RBFOX1: variants seen among roughly 807,000 people sequenced by gnomAD.
RBFOX1 encodes RNA binding protein fox-1 homolog 1.
Under a neutral mutation model 57.7 loss-of-function variants are expected in RBFOX1, and 8 were observed. The ratio of observed to expected loss-of-function variants is 0.14; its 90% CI spans 0.08 to 0.25. RBFOX1 has a LOEUF of 0.25. Ranked by LOEUF, RBFOX1 falls within the 10% of genes least tolerant of loss-of-function variation. The pLI is 1.00. For synonymous variants in RBFOX1, 326 were observed against 222.4 expected (o/e 1.47, Z -4.15); for missense variants, 611 against 548.5 (o/e 1.11, Z -1.14).
intron 3 of RBFOX1, among the ~76,000 whole-genome samples, chr16:6,922,116 C>G (rs1346479717): frequency 6.6e-6 from 1 of 152,160 alleles, no homozygotes; most frequent in Non-Finnish European, 1.5e-5. Flanking sequence ...TTCACACAGG[C>G]TGTTCCCTGT....
intron 2 of RBFOX1, among the ~76,000 whole-genome samples, chr16:6,357,265 G>A (rs1231959905): frequency 6.6e-6 from 1 of 152,090 alleles, no homozygotes; most frequent in Non-Finnish European, 1.5e-5. Flanking sequence ...AATAAACAGA[G>A]AAGAAAAATG....
In RBFOX1 at chr16:7,418,969, A is replaced by G. The variant is rs9934278; in HGVS notation, c.28-99178A>G. 4.8e-3 allele frequency among the ~76,000 whole-genome samples: 726 copies of G among 152,184 alleles called. 6 individuals are homozygous for G. The highest frequency in any genetic ancestry group is 0.016 in the African/African-American group (683 of 41,518). On this transcript the variant is annotated intron_variant, in intron 4 of 15. Coordinates refer to ENST00000550418, the MANE Select transcript of RBFOX1 (RefSeq NM_018723.4). ...ACCCAGGTTGGAGTGCAGTGGCACA[A>G]TCAGAGCTCACTGCACCCTTGACCT... is the stretch of plus-strand genomic sequence containing the variant.
intron 4 of RBFOX1, among the ~76,000 whole-genome samples, chr16:7,067,322 G>C (rs1300081753): frequency 6.6e-6 from 1 of 151,958 alleles, no homozygotes; most frequent in Non-Finnish European, 1.5e-5. Context: ...AAAAATAGTG[G>C]TTTATAGAAC....
intron 1 of RBFOX1, among the ~76,000 whole-genome samples, chr16:6,100,522 A>G (rs1458745707): frequency 6.6e-6 from 1 of 152,174 alleles, no homozygotes; most frequent in Admixed American, 6.5e-5. Context: ...CACACACTAA[A>G]CACAAACCTT....
At chr16:6,375,987 C>G (rs1346678369) in intron 2 of RBFOX1, among the ~76,000 whole-genome samples, 1 of 152,162 alleles carries the variant, frequency 6.6e-6, no homozygotes, top group South Asian at 2.1e-4. Flanking sequence ...CCAGCTCCCC[C>G]TCTGTTTTGT....
intron 2 of RBFOX1, among the ~76,000 whole-genome samples, chr16:5,503,792 T>C (rs2043283729): frequency 6.6e-6 from 1 of 152,148 alleles, no homozygotes; most frequent in Non-Finnish European, 1.5e-5. Flanking sequence ...ATCTCCACCA[T>C]CACTTTTAGA....
intron 4 of RBFOX1, among the ~76,000 whole-genome samples, chr16:5,890,964 C>G (rs1401997982): frequency 6.6e-6 from 1 of 152,170 alleles, no homozygotes; most frequent in African/African-American, 2.4e-5. Flanking sequence ...ATCTGAATTT[C>G]TCAGTCTGTG....
chr16:6,735,088 C>T lies in RBFOX1; in HGVS notation c.-16+80438C>T, dbSNP rs141977947. 8.6e-3 allele frequency among the ~76,000 whole-genome samples: 1,305 copies of T among 152,124 alleles called. 63 individuals carry two copies. Among genetic ancestry groups the T allele is most frequent in the Admixed American group, 0.076 (1,159 of 15,268 alleles). On this transcript the variant is annotated intron_variant, in intron 3 of 15. Transcript: ENST00000550418. ...TGAGCCAGGGAAGTCAAGGCTTCAG[C>T]GAGCCATGATTAAACAACTGTATAC...
intron 12 of RBFOX1, among the ~76,000 whole-genome samples, chr16:7,662,117 C>T (rs747994526): frequency 7.2e-5 from 11 of 152,150 alleles, no homozygotes; most frequent in East Asian, 3.9e-4. Flanking sequence ...CCATGTGCCC[C>T]GTTGGAACAG....
intron 3 of RBFOX1, among the ~76,000 whole-genome samples, chr16:6,702,372 G>C (rs1424328548): frequency 1.3e-5 from 2 of 152,128 alleles, no homozygotes; most frequent in East Asian, 3.9e-4. Context: ...TGGCCAACAT[G>C]GTGAAACTCC....
chr16:6,018,599 G>A (rs114216666), upstream of RBFOX1, among the ~76,000 whole-genome samples: 252 of 152,156 alleles, frequency 1.7e-3, 1 homozygote, highest in African/African-American at 5.9e-3. Flanking sequence ...CCCCAGCCCT[G>A]CATCCCATCC....
At chr16:6,875,939 A>G (rs1270097772) in intron 3 of RBFOX1, among the ~76,000 whole-genome samples, 1 of 152,162 alleles carries the variant, frequency 6.6e-6, no homozygotes, top group Non-Finnish European at 1.5e-5. Context: ...TGGAGGTTGC[A>G]GTGAGCTGCA....
At chr16:6,939,040 C>G (rs1041828228) in intron 3 of RBFOX1, among the ~76,000 whole-genome samples, 1 of 152,184 alleles carries the variant, frequency 6.6e-6, no homozygotes, top group Non-Finnish European at 1.5e-5. Flanking sequence ...ATGTGACGAA[C>G]TCTGGAATAT....
At chr16:6,663,840 G>A (rs1473599338) in intron 3 of RBFOX1, among the ~76,000 whole-genome samples, 1 of 152,238 alleles carries the variant, frequency 6.6e-6, no homozygotes, top group Non-Finnish European at 1.5e-5. Context: ...CAGGTGCAGA[G>A]GAGGGAGTCT....
intron 3 of RBFOX1, among the ~76,000 whole-genome samples, chr16:6,711,024 A>T (rs1344581900): frequency 6.6e-6 from 1 of 152,198 alleles, no homozygotes; most frequent in South Asian, 2.1e-4. Flanking sequence ...AAGTGAAATG[A>T]TACAATCTGC....
In RBFOX1 at chr16:6,416,224, A is replaced by T. The variant is rs148258427; in HGVS notation, c.-64+99167A>T. 6.2e-4 allele frequency among the ~76,000 whole-genome samples: 95 copies of T among 152,322 alleles called. 2 individuals are homozygous for T. In the East Asian group the frequency reaches 0.018, roughly 29 times the overall value. ...GAGAAGGGCTCCTCTGTAATTTTCC[A>T]TCGGGTGGATTTATTTTCTCAGCCA... is the stretch of plus-strand genomic sequence containing the variant. On this transcript the variant is annotated intron_variant, in intron 2 of 15. Coordinates refer to ENST00000550418, the MANE Select transcript of RBFOX1 (RefSeq NM_018723.4).
At chr16:6,736,517 A>T (rs182344675) in intron 3 of RBFOX1, among the ~76,000 whole-genome samples, 1 of 152,220 alleles carries the variant, frequency 6.6e-6, no homozygotes, top group African/African-American at 2.4e-5. Flanking sequence ...GTAGTATTGC[A>T]TCATATATAT....
At chr16:6,719,446 T>G (rs1302080254) in intron 3 of RBFOX1, among the ~76,000 whole-genome samples, 4 of 84,296 alleles carry the variant, frequency 4.7e-5, no homozygotes, top group Admixed American at 4.3e-4. Flanking sequence ...AAATAACCTG[T>G]TTTTTTTTTT....
chr16:6,860,189 G>A (rs565378707), intron 3 of RBFOX1, among the ~76,000 whole-genome samples: 8 of 152,226 alleles, frequency 5.3e-5, no homozygotes, highest in South Asian at 2.1e-4. Flanking sequence ...CTGCAATAGC[G>A]GAAATGAATT....
Sources: gnomAD v4.1 joint callset for allele counts (sites outside exome capture counted in the v4.1 genomes callset) on GRCh38, gnomAD v4.1.1 for gene constraint, MANE v1.5 for transcripts, NCBI Gene and HGNC (gene_info 2026-07-23, HGNC 2026-07-21) for gene names.